COL13A1: variants seen among roughly 807,000 people sequenced by gnomAD.
COL13A1 encodes collagen type XIII alpha 1 chain, also known as collagen alpha-1(XIII) chain.
In COL13A1, 89 loss-of-function variants were observed where a neutral mutation model predicts 130.9. The observed-to-expected ratio is 0.68, with a 90% CI of 0.57 to 0.81. The LOEUF is 0.81. Among genes scored for constraint, COL13A1 ranks in the 30% least tolerant of loss-of-function variants. The pLI is 0.00. For synonymous variants in COL13A1, 402 were observed against 341.6 expected, an observed-to-expected ratio of 1.18 and a Z score of -1.95; for missense variants, 879 against 934.6, an observed-to-expected ratio of 0.94 and a Z score of 0.78.
In COL13A1 at chr10:69,880,569, T is replaced by C. The variant is rs771984363; in HGVS notation, c.513+16T>C. ...CGGCCCCCCTGTAAGTTGTTTTTGCTCTTCCTCGGGGTGTTGGGGGGATGG... is the reference window on the plus strand; with the variant it reads ...CGGCCCCCCTGTAAGTTGTTTTTGCCCTTCCTCGGGGTGTTGGGGGGATGG... On this transcript the variant is annotated intron_variant, in intron 7 of 40. Transcript: ENST00000645393. The C allele has an allele frequency of 2.0e-5, 32 of 1,612,622 alleles. No individual in the cohort carries two copies. Among genetic ancestry groups the C allele is most frequent in the Non-Finnish European group, 2.7e-5 (32 of 1,179,636 alleles).
intron 30 of COL13A1, chr10:69,931,309 G>A (rs1181008876): frequency 4.6e-6 from 2 of 437,478 alleles, no homozygotes; most frequent in African/African-American, 4.0e-5. Flanking sequence ...CACAGATGAG[G>A]GTCCTCCTGG....
In COL13A1 at chr10:69,802,615, G is replaced by A; in HGVS notation, c.192G>A (p.Arg64=). The change falls in exon 1 of 41, where the codon CGG becomes CGA. Residue 64 remains arginine (R), a synonymous_variant. Transcript: ENST00000645393. ...CACTCAGCCTGCTCGCCCACTTTCG[G>A]ACGGCCGAGCTGCAGGCCCGGGTGC... The part of the protein sequence containing the change: ...SLALSLLAHF[R]TAELQARVLR... 6.2e-7 allele frequency: 1 copy of A among 1,613,178 alleles called. No individual in the cohort carries two copies.
chr10:69,929,577 A>C (rs967301072), intron 28 of COL13A1, among the ~76,000 whole-genome samples: 1 of 152,178 alleles, frequency 6.6e-6, no homozygotes, highest in Admixed American at 6.5e-5. Context: ...TAGGACCTAC[A>C]TCATTTTGCC....
chr10:69,930,330 C>A, intron 29 of COL13A1, 70 bp from the exon 30 acceptor site: 1 of 1,438,074 alleles, frequency 7.0e-7, no homozygotes, highest in South Asian at 1.4e-5. Context: ...TTGGACTTTT[C>A]TACTCTCTCT....
chr10:69,879,858 T>A (rs895367355), intron 6 of COL13A1, among the ~76,000 whole-genome samples: 1 of 152,160 alleles, frequency 6.6e-6, no homozygotes, highest in Non-Finnish European at 1.5e-5. Context: ...CACCCCTCCA[T>A]GTCATTCTGA....
chr10:69,912,124 C>T (rs141350332), intron 17 of COL13A1, among the ~76,000 whole-genome samples: 1 of 152,156 alleles, frequency 6.6e-6, no homozygotes, highest in South Asian at 2.1e-4. Context: ...GAGACTAAAG[C>T]GACCCCAGCC....
At chr10:69,888,240 A>G in intron 8 of COL13A1, 64 bp from the exon 9 acceptor site, 2 of 1,592,844 alleles carry the variant, frequency 1.3e-6, no homozygotes, top group Non-Finnish European at 1.7e-6. Context: ...CCCACTGCCC[A>G]GGCAGCCTCT....
chr10:69,917,488 A>C (rs903846257), intron 18 of COL13A1, among the ~76,000 whole-genome samples, 155 bp downstream of exon 18: 1 of 151,960 alleles, frequency 6.6e-6, no homozygotes, highest in African/African-American at 2.4e-5. Context: ...GTGGTCTCTC[A>C]TCAGTGCCCC....
At chr10:69,827,091 A>G (rs368442163) in intron 2 of COL13A1, among the ~76,000 whole-genome samples, 1 of 152,222 alleles carries the variant, frequency 6.6e-6, no homozygotes, top group East Asian at 1.9e-4. Flanking sequence ...ATCAAAGAAC[A>G]ACTAGCATAC....
At chr10:69,926,647 T>A (rs2065397700) in intron 26 of COL13A1, among the ~76,000 whole-genome samples, 2 of 152,158 alleles carry the variant, frequency 1.3e-5, no homozygotes, top group South Asian at 4.1e-4. Flanking sequence ...AGTGGTTCCA[T>A]ATTTTGCTAT....
intron 7 of COL13A1, among the ~76,000 whole-genome samples, chr10:69,883,494 G>C (rs925698067): frequency 6.6e-6 from 1 of 152,196 alleles, no homozygotes; most frequent in African/African-American, 2.4e-5. Flanking sequence ...TAGGTGCTGC[G>C]TAGAAACCTG....
intron 6 of COL13A1, 65 bp downstream of exon 6, chr10:69,878,130 G>A: frequency 1.4e-6 from 1 of 700,436 alleles, no homozygotes; most frequent in South Asian, 1.5e-5. Context: ...CTCTTGATGG[G>A]AGGCTCTCAG....
chr10:69,817,087 T>C (rs763660517), intron 1 of COL13A1, among the ~76,000 whole-genome samples: 2 of 152,168 alleles, frequency 1.3e-5, no homozygotes, highest in Admixed American at 6.5e-5. Flanking sequence ...CCACACTGAT[T>C]TGTTTCCAAA....
intron 38 of COL13A1, among the ~76,000 whole-genome samples, chr10:69,951,495 G>T (rs984271385): frequency 2.0e-5 from 3 of 152,062 alleles, no homozygotes; most frequent in African/African-American, 7.2e-5. Flanking sequence ...CTCCTGAGTA[G>T]CTAGGACTAC....
intron 2 of COL13A1, among the ~76,000 whole-genome samples, chr10:69,847,158 C>G (rs1199808794): frequency 6.6e-6 from 1 of 152,156 alleles, no homozygotes; most frequent in Non-Finnish European, 1.5e-5. Flanking sequence ...AGGGCCTGAC[C>G]CCAGCTCCTT....
At position 69,901,965 on chromosome 10, in the gene COL13A1, A is replaced by G. The variant is rs533476961; in HGVS notation, c.751-783A>G. Among the ~76,000 whole-genome samples, 17 of 152,274 alleles carry G rather than the reference A, an allele frequency of 1.1e-4. No homozygotes were observed. In the East Asian group the frequency reaches 3.1e-3, roughly 28 times the overall value. On this transcript the variant is annotated intron_variant, in intron 14 of 40. Coordinates refer to ENST00000645393, the MANE Select transcript of COL13A1 (RefSeq NM_001368882.1). ...TTCCAAACTCTTTCAATGAAACCAA[A>G]GATTGCAGGCTCAATTGCCCTCCCA...
chr10:69,863,853 GAT>G (rs1858976817), intron 2 of COL13A1, among the ~76,000 whole-genome samples: 1 of 152,218 alleles, frequency 6.6e-6, no homozygotes, highest in Admixed American at 6.5e-5. Context: ...GAGGCAGGCA[GAT>G]AGCTTGAGCT....
Position 69,923,871 on chromosome 10 carries a change from C to A in COL13A1, c.1284+16C>A, listed in dbSNP as rs771783730. 4 of 1,610,156 alleles carry A rather than the reference C, an allele frequency of 2.5e-6. No individual in the cohort carries two copies. The highest frequency in any genetic ancestry group is 2.5e-6 in the Non-Finnish European group (3 of 1,178,472). On this transcript the variant is annotated intron_variant, in intron 24 of 40. Transcript: ENST00000645393. ...AGGAGACAAGGTACAGAGACCCCCA[C>A]ATCCCAGAGCTGCAAGATGAGGGTC...
chr10:69,841,388 C>G (rs1851559067), intron 2 of COL13A1, among the ~76,000 whole-genome samples: 1 of 152,206 alleles, frequency 6.6e-6, no homozygotes, highest in Non-Finnish European at 1.5e-5. Context: ...TCACATCTGT[C>G]TCCCCTCTGG....
Sources: gnomAD v4.1 joint callset for allele counts (sites outside exome capture counted in the v4.1 genomes callset) on GRCh38, gnomAD v4.1.1 for gene constraint, MANE v1.5 for transcripts, NCBI Gene and HGNC (gene_info 2026-07-23, HGNC 2026-07-21) for gene names.